WAC: variants seen among roughly 807,000 people sequenced by gnomAD.
The protein encoded by WAC is WW domain-containing adapter protein with coiled-coil.
WAC carries 11 observed loss-of-function variants against 79.6 expected under a neutral mutation model. That is an observed-to-expected ratio of 0.14 (90% CI 0.09 to 0.23). The LOEUF (loss-of-function observed/expected upper bound fraction) is 0.23, where lower values mean the gene tolerates loss of function less well. Ranked by LOEUF, WAC falls within the 10% of genes least tolerant of loss-of-function variation. The pLI, the probability that WAC is intolerant of heterozygous loss-of-function variation, is 1.00. For synonymous variants in WAC, 304 were observed against 276.9 expected, an observed-to-expected ratio of 1.10 and a Z score of -0.97; for missense variants, 728 against 773.5, an observed-to-expected ratio of 0.94 and a Z score of 0.70.
At chr10:28,574,010 C>G (rs1589179153) in intron 3 of WAC, among the ~76,000 whole-genome samples, 1 of 152,060 alleles carries the variant, frequency 6.6e-6, no homozygotes, top group Non-Finnish European at 1.5e-5. Flanking sequence ...TTTTGAGATT[C>G]ATTTATGTTG....
At chr10:28,558,877 T>C (rs1032971047) in intron 3 of WAC, among the ~76,000 whole-genome samples, 1 of 152,192 alleles carries the variant, frequency 6.6e-6, no homozygotes, top group African/African-American at 2.4e-5. Context: ...CAAGTATTGC[T>C]TTTGATGTTA....
At chr10:28,536,027 A>C (rs982894368) in intron 3 of WAC, 2 of 209,414 alleles carry the variant, frequency 9.6e-6, no homozygotes, top group African/African-American at 4.6e-5. Context: ...AGATCACCTG[A>C]GGTCAGGAGT....
chr10:28,597,224 C>G (rs1840424196), intron 7 of WAC, among the ~76,000 whole-genome samples: 1 of 152,054 alleles, frequency 6.6e-6, no homozygotes, highest in Admixed American at 6.6e-5. Context: ...AAAATTCATA[C>G]ATAAAATGTC....
upstream of WAC, chr10:28,532,796 C>A (rs376609797): frequency 2.0e-5 from 3 of 152,846 alleles, no homozygotes; most frequent in Non-Finnish European, 4.4e-5. Context: ...GATGGCTTCC[C>A]TCGCGCCCCA....
intron 3 of WAC, among the ~76,000 whole-genome samples, chr10:28,563,204 C>T (rs1295461434): frequency 6.6e-6 from 1 of 152,024 alleles, no homozygotes; most frequent in East Asian, 1.9e-4. Flanking sequence ...CGCATGTGGC[C>T]GAGCATTTTA....
At chr10:28,569,303 T>C (rs1377461703) in intron 3 of WAC, among the ~76,000 whole-genome samples, 2 of 152,226 alleles carry the variant, frequency 1.3e-5, no homozygotes, top group African/African-American at 2.4e-5. Flanking sequence ...TAAATGATCA[T>C]TATGCAAAAA....
At chr10:28,570,168 T>C (rs1838865954) in intron 3 of WAC, among the ~76,000 whole-genome samples, 1 of 152,246 alleles carries the variant, frequency 6.6e-6, no homozygotes, top group Non-Finnish European at 1.5e-5. Context: ...TTTTTCTCTC[T>C]TTAATACCAC....
intron 3 of WAC, among the ~76,000 whole-genome samples, chr10:28,567,981 G>A (rs1047187579): frequency 1.3e-5 from 2 of 152,066 alleles, no homozygotes; most frequent in African/African-American, 4.8e-5. Flanking sequence ...CAAGTGATCC[G>A]CCCACCCTGG....
intron 3 of WAC, among the ~76,000 whole-genome samples, chr10:28,539,425 A>G (rs193262743): frequency 2.8e-3 from 430 of 152,314 alleles, no homozygotes; most frequent in African/African-American, 9.8e-3. Flanking sequence ...TAAATTTAAG[A>G]TAGGTTATGT....
intron 4 of WAC, among the ~76,000 whole-genome samples, chr10:28,584,520 AATAAC>A (rs1839705327): frequency 1.3e-5 from 2 of 152,180 alleles, no homozygotes; most frequent in South Asian, 2.1e-4. Flanking sequence ...TAATCAGTAA[AATAAC>A]ATCATATTTG....
At chr10:28,575,576 A>G (rs547645860) in intron 3 of WAC, among the ~76,000 whole-genome samples, 8 of 152,274 alleles carry the variant, frequency 5.3e-5, no homozygotes, top group African/African-American at 1.7e-4. Flanking sequence ...CATTTCCCCA[A>G]TGGCTAATGC....
At chr10:28,605,055 G>A (rs2132779706) in intron 7 of WAC, among the ~76,000 whole-genome samples, 1 of 152,324 alleles carries the variant, frequency 6.6e-6, no homozygotes, top group South Asian at 2.1e-4. Flanking sequence ...AAGGACGTTT[G>A]TATGTGTGTC....
rs372316480 is a variant in WAC at position 28,622,793 on chromosome 10, A to G, written c.*3187A>G. On this transcript the variant is annotated 3_prime_UTR_variant, in exon 14 of 14. Coordinates refer to ENST00000354911, the MANE Select transcript of WAC (RefSeq NM_016628.5). ...CAGTTTATTATGTTCAAAAACCACC[A>G]TATCTTTGAGGGACTGTTTGAAAGG... The G allele has an allele frequency of 2.0e-5, 3 of 152,272 alleles. No individual in the cohort carries two copies. The highest frequency in any genetic ancestry group is 3.9e-4 in the East Asian group (2 of 5,168). The allele number at this position is 152,272 out of a possible 1,614,324, so 9.4% of individuals were successfully genotyped here.
intron 3 of WAC, among the ~76,000 whole-genome samples, chr10:28,543,192 A>C (rs1837157741): frequency 6.6e-6 from 1 of 152,232 alleles, no homozygotes. Context: ...GGTGATACCT[A>C]CACTTCACTA....
chr10:28,543,923 C>T lies in WAC; in HGVS notation c.274+8166C>T, dbSNP rs941789292. On this transcript the variant is annotated intron_variant, in intron 3 of 13. Transcript: ENST00000354911. Reference sequence around the variant, plus strand: ...TTGTTGTTTGAGGCAGGGTCTTACTCTGTCATCCCAGGCTGGAGTGCAGTG... The same window carrying T: ...TTGTTGTTTGAGGCAGGGTCTTACTTTGTCATCCCAGGCTGGAGTGCAGTG... 2.6e-5 allele frequency among the ~76,000 whole-genome samples: 4 copies of T among 152,148 alleles called. No homozygotes were observed. The South Asian group carries it at 8.3e-4, about 32-fold the overall frequency.
intron 3 of WAC, among the ~76,000 whole-genome samples, chr10:28,556,049 G>A (rs1390982419): frequency 2.6e-5 from 4 of 152,268 alleles, no homozygotes; most frequent in East Asian, 3.9e-4. Flanking sequence ...ATCAGATATC[G>A]AGCATATCTG....
At chr10:28,609,881 T>C (rs1466701196) in intron 8 of WAC, among the ~76,000 whole-genome samples, 1 of 150,504 alleles carries the variant, frequency 6.6e-6, no homozygotes, top group East Asian at 1.9e-4. Context: ...TTAATGTCAA[T>C]AATAAAATAT....
chr10:28,614,557 G>C lies in WAC; in HGVS notation c.1438-10G>C, dbSNP rs746065242. The C allele has an allele frequency of 6.2e-7, 1 of 1,610,078 alleles. No homozygotes were observed. Among genetic ancestry groups the C allele is most frequent in the Non-Finnish European group, 8.5e-7 (1 of 1,176,690 alleles). ...TTTGGAGACCATCTCACCAGATTTTGACATTTCAGGTTAGTACTCCAGTAG... is the reference window on the plus strand; with the variant it reads ...TTTGGAGACCATCTCACCAGATTTTCACATTTCAGGTTAGTACTCCAGTAG... On this transcript the variant is annotated splice_polypyrimidine_tract_variant and intron_variant, in intron 10 of 13. Coordinates refer to ENST00000354911, the MANE Select transcript of WAC (RefSeq NM_016628.5).
intron 7 of WAC, among the ~76,000 whole-genome samples, chr10:28,596,465 G>T (rs1017780469): frequency 6.6e-6 from 1 of 152,120 alleles, no homozygotes; most frequent in Non-Finnish European, 1.5e-5. Context: ...GTTTCAGTTT[G>T]TGATTAGAAA....
Sources: gnomAD v4.1 joint callset for allele counts (sites outside exome capture counted in the v4.1 genomes callset) on GRCh38, gnomAD v4.1.1 for gene constraint, MANE v1.5 for transcripts, NCBI Gene and HGNC (gene_info 2026-07-23, HGNC 2026-07-21) for gene names.